The following STAM variants were observed in gnomAD, a reference collection of about 807,000 sequenced individuals.
The protein encoded by STAM is signal transducing adaptor molecule, also known as signal transducing adapter molecule 1.
A neutral mutation model predicts 63.4 loss-of-function variants in STAM; 16 were observed. The ratio of observed to expected loss-of-function variants is 0.25; its 90% CI spans 0.17 to 0.38. The LOEUF is 0.38. Ranked by LOEUF, STAM falls within the 10% of genes least tolerant of loss-of-function variation. The pLI is 1.00. For synonymous variants in STAM, 238 were observed against 223.9 expected, an observed-to-expected ratio of 1.06 and a Z score of -0.56; for missense variants, 636 against 657.1, an observed-to-expected ratio of 0.97 and a Z score of 0.35.
chr10:17,672,986 A>G (rs1834702511), intron 2 of STAM: 2 of 980,068 alleles, frequency 2.0e-6, no homozygotes, highest in Non-Finnish European at 2.4e-6. Flanking sequence ...TAAGGAAAAG[A>G]GAGGATGTGT....
intron 1 of STAM, among the ~76,000 whole-genome samples, chr10:17,649,792 T>A (rs1163503658): frequency 4.6e-5 from 7 of 152,234 alleles, no homozygotes; most frequent in Non-Finnish European, 1.0e-4. Context: ...TTTTTTACAT[T>A]AATATAGATG....
At chr10:17,649,973 A>G (rs1473344275) in intron 1 of STAM, among the ~76,000 whole-genome samples, 3 of 152,198 alleles carry the variant, frequency 2.0e-5, no homozygotes, top group African/African-American at 7.2e-5. Flanking sequence ...GGCATCTTTG[A>G]ATCATTTCCC....
chr10:17,658,374 C>T (rs1834027012), intron 1 of STAM, among the ~76,000 whole-genome samples: 1 of 152,060 alleles, frequency 6.6e-6, no homozygotes, highest in Admixed American at 6.5e-5. Context: ...TTGGTGAATG[C>T]TGCATGAGAG....
In STAM at chr10:17,705,581, G is replaced by C; in HGVS notation, c.1056-7G>C. 1 of 1,608,782 alleles carries C rather than the reference G, an allele frequency of 6.2e-7. No individual in the cohort carries two copies. Among genetic ancestry groups the C allele is most frequent in the Non-Finnish European group, 8.5e-7 (1 of 1,178,166 alleles). On this transcript the variant is annotated splice_polypyrimidine_tract_variant and splice_region_variant and intron_variant, in intron 11 of 13. Coordinates refer to ENST00000377524, the MANE Select transcript of STAM (RefSeq NM_003473.4). ...GCTATGCTTCAAATTATTGTGTCAT[G>C]TTTCAGAAAACATTCAGAACTCTCA...
intron 2 of STAM, among the ~76,000 whole-genome samples, chr10:17,676,891 T>TTA (rs1834879101): frequency 6.7e-6 from 1 of 149,210 alleles, no homozygotes; most frequent in African/African-American, 2.4e-5. Context: ...GATTTAATAA[T>TTA]TATACATATA....
At chr10:17,691,853 A>G (rs1313512878) in intron 5 of STAM, among the ~76,000 whole-genome samples, 4 of 152,224 alleles carry the variant, frequency 2.6e-5, no homozygotes, top group African/African-American at 7.2e-5. Context: ...GACAATATAC[A>G]TTCATAACTT....
At chr10:17,711,258 G>T (rs1201210897) in intron 13 of STAM, among the ~76,000 whole-genome samples, 2 of 152,168 alleles carry the variant, frequency 1.3e-5, no homozygotes, top group African/African-American at 4.8e-5. Flanking sequence ...GTTGGGGAAG[G>T]TGTCACTGAT....
Position 17,673,397 on chromosome 10 carries a change from C to T in STAM, c.126-11278C>T, listed in dbSNP as rs992072949. On this transcript the variant is annotated intron_variant, in intron 2 of 13. Coordinates refer to ENST00000377524, the MANE Select transcript of STAM (RefSeq NM_003473.4). The stretch of plus-strand genomic sequence containing the variant: ...TACAATAGTGAAAAGCAGTATTTTT[C>T]GTGTTTTGCTCAGTGACTTTTTTTT... Among the ~76,000 whole-genome samples, 13 of 152,258 alleles carry T rather than the reference C, an allele frequency of 8.5e-5. No individual in the cohort carries two copies. The South Asian group carries it at 1.5e-3, about 17-fold the overall frequency.
chr10:17,644,425 G>T, intron 1 of STAM, 46 bp downstream of exon 1: 1 of 1,610,528 alleles, frequency 6.2e-7, no homozygotes, highest in Non-Finnish European at 8.5e-7. Context: ...CGGACTGCAC[G>T]CTCACTCTGC....
At chr10:17,695,293 T>C in intron 7 of STAM, 52 bp downstream of exon 7, 10 of 1,517,994 alleles carry the variant, frequency 6.6e-6, no homozygotes, top group Non-Finnish European at 9.0e-6. Flanking sequence ...ATGGCTTCTG[T>C]GTTTCATATT....
At chr10:17,681,623 G>C (rs1589067486) in intron 2 of STAM, among the ~76,000 whole-genome samples, 1 of 152,118 alleles carries the variant, frequency 6.6e-6, no homozygotes, top group Non-Finnish European at 1.5e-5. Context: ...ATTTTAATCT[G>C]ATGATTTAAT....
intron 9 of STAM, among the ~76,000 whole-genome samples, chr10:17,703,813 G>T (rs1196674323): frequency 1.3e-5 from 2 of 152,152 alleles, no homozygotes; most frequent in African/African-American, 4.8e-5. Flanking sequence ...TAAACCCTAA[G>T]AGTCCCACTT....
At chr10:17,669,865 C>T (rs758484467) in intron 2 of STAM, among the ~76,000 whole-genome samples, 17 of 149,960 alleles carry the variant, frequency 1.1e-4, no homozygotes, top group Non-Finnish European at 2.1e-4. Flanking sequence ...GCCCTATGCC[C>T]GGCCAATTCT....
intron 2 of STAM, among the ~76,000 whole-genome samples, chr10:17,669,023 G>A (rs1834517190): frequency 1.3e-5 from 2 of 152,158 alleles, no homozygotes; most frequent in African/African-American, 2.4e-5. Context: ...ATCTTTGTTA[G>A]AAGCCACCAG....
In STAM at chr10:17,684,758, G is replaced by A. The variant is rs781849453; in HGVS notation, c.201+8G>A. 19 of 1,613,756 alleles carry A rather than the reference G, an allele frequency of 1.2e-5. No homozygotes were observed. The highest frequency in any genetic ancestry group is 1.3e-5 in the African/African-American group (1 of 74,880). On this transcript the variant is annotated splice_region_variant and intron_variant, in intron 3 of 13. Transcript: ENST00000377524. The stretch of plus-strand genomic sequence containing the variant: ...GCTATGCAGGCTTTGACTGTGAGTG[G>A]TTTCATTTTAATCTGTACCACGAAA...
rs782069359 is a variant in STAM, at chr10:17,645,474, C to A, written c.40+1095C>A. Among the ~76,000 whole-genome samples, 7 of 152,172 alleles carry A rather than the reference C, an allele frequency of 4.6e-5. 1 individual carries two copies. In the South Asian group the frequency reaches 1.4e-3, roughly 32 times the overall value. On this transcript the variant is annotated intron_variant, in intron 1 of 13. Transcript: ENST00000377524. ...CTTACCTCTGCCACTTCTCAGCTCA[C>A]GGTGAAATCATAGGCAAGTTAAATT...
At position 17,716,350 on chromosome 10, in the gene STAM, G is replaced by A. The variant is rs554926664; in HGVS notation, c.*1570G>A. ...TTCACAGACTCAGATTTAAAGCACC[G>A]TAGTTTTAAATCTGAGCCTGTGAAA... On this transcript the variant is annotated 3_prime_UTR_variant, in exon 14 of 14. Transcript: ENST00000377524. 2.1e-4 allele frequency among the ~76,000 whole-genome samples: 32 copies of A among 151,326 alleles called. No homozygotes were observed. In the South Asian group the frequency reaches 4.4e-3, roughly 21 times the overall value.
At chr10:17,694,667 G>A (rs1835678326) in intron 6 of STAM, among the ~76,000 whole-genome samples, 1 of 152,122 alleles carries the variant, frequency 6.6e-6, no homozygotes, top group Admixed American at 6.5e-5. Flanking sequence ...TAAGTCTGCA[G>A]TGAAGCTTGA....
At chr10:17,679,356 G>A (rs1331934712) in intron 2 of STAM, among the ~76,000 whole-genome samples, 1 of 152,086 alleles carries the variant, frequency 6.6e-6, no homozygotes, top group Non-Finnish European at 1.5e-5. Context: ...GGCCCTTTGT[G>A]TATCTTACTT....
Sources: gnomAD v4.1 joint callset for allele counts (sites outside exome capture counted in the v4.1 genomes callset) on GRCh38, gnomAD v4.1.1 for gene constraint, MANE v1.5 for transcripts, NCBI Gene and HGNC (gene_info 2026-07-23, HGNC 2026-07-21) for gene names.